Variants in SARS2 observed in about 807,000 individuals in gnomAD.
The protein encoded by SARS2 is seryl-tRNA synthetase 2, mitochondrial.
In SARS2, 52 loss-of-function variants were observed where a neutral mutation model predicts 66.8. The ratio of observed to expected loss-of-function variants is 0.78; its 90% confidence interval spans 0.62 to 0.98. SARS2 has a LOEUF of 0.98. SARS2 is among the 50% of genes least tolerant of loss of function. The pLI, the probability that SARS2 is intolerant of heterozygous loss-of-function variation, is 0.00. For missense variants in SARS2, 673 were observed against 706.3 expected, an observed-to-expected ratio of 0.95 and a Z score of 0.53; for synonymous variants, 306 against 281.4, an observed-to-expected ratio of 1.09 and a Z score of -0.87.
Position 38,930,712 on chromosome 19 carries a change from A to G in SARS2, c.25T>C (p.Leu9=). The G allele has an allele frequency of 6.2e-7, 1 of 1,613,710 alleles. No individual in the cohort carries two copies. Among genetic ancestry groups the G allele is most frequent in the Non-Finnish European group, 8.5e-7 (1 of 1,180,022 alleles). The change falls in exon 1 of 16, where the codon TTG becomes CTG. Residue 9 remains leucine, a synonymous_variant. Transcript: ENST00000221431. MAASMARR[L]WPLLTRRGFR... The stretch of plus-strand genomic sequence containing the variant: ...CCCCGACGAGTCAGCAAAGGCCACA[A>G]GCGCCGCGCCATGGACGCAGCCATC...
intron 1 of SARS2, among the ~76,000 whole-genome samples, chr19:38,927,989 C>A (rs1452373127): frequency 1.3e-5 from 2 of 152,164 alleles, no homozygotes; most frequent in Non-Finnish European, 2.9e-5. Flanking sequence ...GCCAAGACTG[C>A]ACCACTGCAC....
At chr19:38,923,523 C>T (rs1974578029) in intron 2 of SARS2, among the ~76,000 whole-genome samples, 1 of 151,198 alleles carries the variant, frequency 6.6e-6, no homozygotes, top group African/African-American at 2.4e-5. Flanking sequence ...CGCCCGGCCT[C>T]AGGTTTTCTT....
Position 38,926,211 on chromosome 19 carries a change from G to T in SARS2, c.357C>A (p.Ala119=). 6.2e-7 allele frequency: 1 copy of T among 1,605,478 alleles called. No individual in the cohort carries two copies. The change falls in exon 2 of 16, where the codon GCC becomes GCA. Residue 119 remains alanine, a synonymous_variant. Coordinates refer to ENST00000221431, the MANE Select transcript of SARS2 (RefSeq NM_017827.4). ...EKAAVTEAVR[A]LLANQDSGEV... is the part of the protein sequence containing the mutation. Reference sequence around the variant, plus strand: ...CTCAGGGCACCATGCTCACCAGCAGGGCCCGCACTGCCTCAGTCACAGCTG... The same window carrying T: ...CTCAGGGCACCATGCTCACCAGCAGTGCCCGCACTGCCTCAGTCACAGCTG...
At chr19:38,928,238 T>G (rs1170590466) in intron 1 of SARS2, 1 of 152,006 alleles carries the variant, frequency 6.6e-6, no homozygotes. Context: ...ATTAGTTGGG[T>G]GTGGTGGTGC....
chr19:38,922,416 T>C (rs1974553651), intron 2 of SARS2, 149 bp from the exon 3 acceptor site: 1 of 766,068 alleles, frequency 1.3e-6, no homozygotes, highest in Admixed American at 2.0e-5. Context: ...TCTGTGTTTC[T>C]GTTTCTCTAT....
At chr19:38,926,800 G>A (rs7508539) in intron 1 of SARS2, among the ~76,000 whole-genome samples, 111,339 of 151,792 alleles carry the variant, frequency 0.73, 41,991 homozygotes, top group East Asian at 0.96. Flanking sequence ...AACAAAAAAA[G>A]TCTCTAAACT....
intron 2 of SARS2, among the ~76,000 whole-genome samples, chr19:38,925,289 G>A (rs1347142383): frequency 6.6e-6 from 1 of 152,082 alleles, no homozygotes; most frequent in Non-Finnish European, 1.5e-5. Context: ...CTCCAGCCTG[G>A]GTAACAGAGT....
Position 38,930,403 on chromosome 19 carries a change from A to G in SARS2, c.267+67T>C, listed in dbSNP as rs961378906. ...ACAGGTTCGCCCCCTGCCGGAGGGC[A>G]TCTTGCAAACCCAATTCTTCCGTAA... On this transcript the variant is annotated intron_variant, in intron 1 of 15. Transcript: ENST00000221431. 4 of 1,524,410 alleles carry G rather than the reference A, an allele frequency of 2.6e-6. No individual in the cohort carries two copies. In the Admixed American group the frequency reaches 8.4e-5, roughly 32 times the overall value. 94.4% of individuals were successfully genotyped at this position (1,524,410 alleles called of 1,614,324 possible).
chr19:38,916,482 CA>C (rs892874762), intron 12 of SARS2, among the ~76,000 whole-genome samples, 168 bp from the exon 13 acceptor site: 111 of 151,412 alleles, frequency 7.3e-4, no homozygotes, highest in Non-Finnish European at 1.3e-3. Flanking sequence ...AAAAAACAAA[CA>C]AAAAAAAGGA....
chr19:38,921,093 ACAT>A (rs1360883660), intron 5 of SARS2, among the ~76,000 whole-genome samples: 5 of 152,072 alleles, frequency 3.3e-5, no homozygotes, highest in Admixed American at 6.6e-5. Flanking sequence ...ATACAGACAC[ACAT>A]GACACACAGT....
rs1974482883 is a variant in SARS2 at position 38,919,752 on chromosome 19, T to C, written c.759+10A>G. 1.2e-6 allele frequency: 2 copies of C among 1,612,080 alleles called. No individual in the cohort carries two copies. Among genetic ancestry groups the C allele is most frequent in the Non-Finnish European group, 1.7e-6 (2 of 1,178,072 alleles). The stretch of plus-strand genomic sequence containing the variant: ...CCCCCTCCAGGCAGCCCTCCTATCT[T>C]GGCCCATACCCGGCGGAGAAGCTTG... On this transcript the variant is annotated intron_variant, in intron 7 of 15. Coordinates refer to ENST00000221431, the MANE Select transcript of SARS2 (RefSeq NM_017827.4).
In SARS2 at chr19:38,918,411, C is replaced by G; in HGVS notation, c.916+11G>C. 2 of 1,607,978 alleles carry G rather than the reference C, an allele frequency of 1.2e-6. No individual in the cohort carries two copies. Among genetic ancestry groups the G allele is most frequent in the Non-Finnish European group, 1.7e-6 (2 of 1,174,886 alleles). On this transcript the variant is annotated intron_variant, in intron 9 of 15. Transcript: ENST00000221431. Reference sequence around the variant, plus strand: ...CTCCTGCTCCTCCCCACCACCCACACAGGTCCTCACCTGCAAGCCCCACCT... The same window carrying G: ...CTCCTGCTCCTCCCCACCACCCACAGAGGTCCTCACCTGCAAGCCCCACCT...
Position 38,918,004 on chromosome 19 carries a change from C to T in SARS2, c.967G>A (p.Val323Ile), listed in dbSNP as rs1568423761. The T allele has an allele frequency of 6.2e-7, 1 of 1,601,232 alleles. No individual in the cohort carries two copies. Among genetic ancestry groups the T allele is most frequent in the Admixed American group, 1.7e-5 (1 of 57,640 alleles). The change falls in exon 11 of 16, where the codon GTT (valine) becomes ATT (isoleucine). Residue 323 changes from valine (V) to isoleucine (I), a missense_variant. By Grantham distance (29) the Val-to-Ile change is conservative. Transcript: ENST00000221431. ...VAFRDLPVRM[V>I]CSSTCYRAET... ...GCCCGGTAGCAGGTGCTGGAGCAAA[C>T]CATCCTGGCAGAGAGCAGGGAAAGT...
intron 6 of SARS2, 48 bp from the exon 7 acceptor site, chr19:38,919,915 G>A (rs45596535): frequency 0.01 from 15,708 of 1,550,042 alleles, 111 homozygotes; most frequent in Non-Finnish European, 0.012. Flanking sequence ...GGCTGGCAGG[G>A]AATGTGGGGA....
At chr19:38,922,060 C>T in intron 3 of SARS2, 178 bp downstream of exon 3, 1 of 1,565,350 alleles carries the variant, frequency 6.4e-7, no homozygotes, top group Non-Finnish European at 8.7e-7. Flanking sequence ...ATGGAGCCAG[C>T]ACCTGGATCC....
Position 38,930,639 on chromosome 19 carries a change from C to T in SARS2, c.98G>A (p.Ser33Asn). The part of the protein sequence containing the change: ...GCISNDSPRR[S>N]FTTEKRNRNL... Reference sequence around the variant, plus strand: ...CCGGTTTCGTTTCTCTGTAGTGAAACTTCTCCTTGGACTATCGTTGGAGAT... The same window carrying T: ...CCGGTTTCGTTTCTCTGTAGTGAAATTTCTCCTTGGACTATCGTTGGAGAT... Residue 33 changes from serine to asparagine, a missense_variant, in exon 1 of 16, where the codon AGT becomes AAT. Ser to Asn is a conservative substitution (Grantham distance 46). Transcript: ENST00000221431. The T allele has an allele frequency of 1.2e-6, 2 of 1,614,146 alleles. No homozygotes were observed. The highest frequency in any genetic ancestry group is 8.5e-7 in the Non-Finnish European group (1 of 1,180,022).
intron 12 of SARS2, among the ~76,000 whole-genome samples, 155 bp from the exon 13 acceptor site, chr19:38,916,469 CCAAAAAAACAAA>C (rs1974420411): frequency 6.6e-6 from 1 of 151,788 alleles, no homozygotes; most frequent in South Asian, 2.1e-4. Context: ...CTCATCTACT[CCAAAAAAACAAA>C]CAAAAAAAAG....
At chr19:38,928,703 T>C (rs905062060) in intron 1 of SARS2, among the ~76,000 whole-genome samples, 1 of 152,180 alleles carries the variant, frequency 6.6e-6, no homozygotes, top group African/African-American at 2.4e-5. Context: ...GGTCCCCTAC[T>C]TGGGATACTC....
intron 5 of SARS2, among the ~76,000 whole-genome samples, chr19:38,920,556 GACACACAC>G (rs1191495365): frequency 6.6e-6 from 1 of 151,202 alleles, no homozygotes; most frequent in African/African-American, 2.4e-5. Flanking sequence ...GAGAGACAGA[GACACACAC>G]ACACTCACAC....
Sources: gnomAD v4.1 joint callset for allele counts (sites outside exome capture counted in the v4.1 genomes callset) on GRCh38, gnomAD v4.1.1 for gene constraint, MANE v1.5 for transcripts, NCBI Gene and HGNC (gene_info 2026-07-23, HGNC 2026-07-21) for gene names.